OSBPL10: variants seen among roughly 807,000 people sequenced by gnomAD.
The protein encoded by OSBPL10 is oxysterol-binding protein-related protein 10.
Under a neutral mutation model 81.7 loss-of-function variants are expected in OSBPL10, and 49 were observed. The observed-to-expected ratio is 0.60, with a 90% CI of 0.48 to 0.76. OSBPL10 has a LOEUF of 0.76. Ranked by LOEUF, OSBPL10 falls within the 30% of genes least tolerant of loss-of-function variation. The pLI is 0.00. For missense variants in OSBPL10, 923 were observed against 987.8 expected (o/e 0.93, Z 0.88); for synonymous variants, 419 against 383.6 (o/e 1.09, Z -1.08).
At chr3:31,884,924 C>A (rs1357503914) in intron 1 of OSBPL10, among the ~76,000 whole-genome samples, 1 of 151,986 alleles carries the variant, frequency 6.6e-6, no homozygotes, top group African/African-American at 2.4e-5. Flanking sequence ...AAAAAAAAAT[C>A]AAAGCATGTG....
rs191985828 is a variant in OSBPL10 at position 31,936,649 on chromosome 3, G to C, written c.281+44250C>G. On this transcript the variant is annotated intron_variant, in intron 1 of 11. Coordinates refer to ENST00000396556, the MANE Select transcript of OSBPL10 (RefSeq NM_017784.5). ...TGCCAAGAAAAGTCAGTGGTTGTCT[G>C]TTTTGGAAGGGAAGTAAGAAAGTGG... Among the ~76,000 whole-genome samples the C allele has an allele frequency of 9.0e-3, 1,363 of 152,136 alleles. 69 individuals carry two copies. Among genetic ancestry groups the C allele is most frequent in the Admixed American group, 0.082 (1,252 of 15,266 alleles).
At chr3:31,824,811 G>C (rs148308296) in intron 4 of OSBPL10, among the ~76,000 whole-genome samples, 2 of 151,998 alleles carry the variant, frequency 1.3e-5, no homozygotes, top group African/African-American at 2.4e-5. Flanking sequence ...TTGCAGTTGC[G>C]GGTATATCAT....
chr3:31,861,466 T>C (rs961488438), intron 3 of OSBPL10, among the ~76,000 whole-genome samples: 4 of 152,204 alleles, frequency 2.6e-5, no homozygotes, highest in Admixed American at 2.0e-4. Context: ...TCAAAACAGA[T>C]GCAATTTTTT....
upstream of OSBPL10, chr3:31,981,634 G>C (rs954520853): frequency 6.3e-6 from 1 of 158,348 alleles, no homozygotes; most frequent in East Asian, 1.9e-4. This position sits in a 1 kb window ranked among gnomAD's most constrained non-coding sequence, Gnocchi z 4.5. Context: ...AGGGGCGAAA[G>C]GGAATCTCTG....
chr3:31,722,544 T>C (rs1020142184), intron 6 of OSBPL10, among the ~76,000 whole-genome samples: 5 of 152,176 alleles, frequency 3.3e-5, no homozygotes, highest in African/African-American at 9.6e-5. Context: ...TAAACATAAG[T>C]GTAAGTCCCT....
intron 2 of OSBPL10, among the ~76,000 whole-genome samples, chr3:32,000,892 A>G (rs1369447461): frequency 6.6e-6 from 1 of 152,180 alleles, no homozygotes; most frequent in African/African-American, 2.4e-5. Flanking sequence ...TTTCCAAACC[A>G]GAAAGCTTAG....
At chr3:32,026,786 C>G (rs1367334886) in intron 2 of OSBPL10, among the ~76,000 whole-genome samples, 1 of 152,186 alleles carries the variant, frequency 6.6e-6, no homozygotes, top group Non-Finnish European at 1.5e-5. Flanking sequence ...TGAGACAGCT[C>G]TAAGCTGAGG....
At chr3:31,827,561 G>A (rs950841562) in intron 4 of OSBPL10, among the ~76,000 whole-genome samples, 27 of 151,968 alleles carry the variant, frequency 1.8e-4, no homozygotes, top group African/African-American at 6.0e-4. Flanking sequence ...GCATGAATCC[G>A]GGAGGCAGAG....
chr3:31,673,685 C>A (rs1402510612), intron 8 of OSBPL10, among the ~76,000 whole-genome samples: 3 of 152,182 alleles, frequency 2.0e-5, no homozygotes, highest in Non-Finnish European at 4.4e-5. Context: ...TTTGACCTTA[C>A]AATGGTGCCA....
chr3:31,703,080 C>T (rs994129371), intron 6 of OSBPL10, among the ~76,000 whole-genome samples: 9 of 152,166 alleles, frequency 5.9e-5, no homozygotes. Flanking sequence ...TAAGGCAAAA[C>T]TGAAACTTTA....
In OSBPL10 at chr3:31,990,052, C is replaced by T. The variant is rs766054713; in HGVS notation, n.298+56439G>A. ...TGAAGAATGTGACAAAGTTTTTAGT[C>T]GCAAATCAAATCTTGAAAGACATAG... On this transcript the variant is annotated intron_variant and non_coding_transcript_variant, in intron 2 of 3. Transcript: ENST00000479173. The T allele has an allele frequency of 2.9e-5, 47 of 1,613,730 alleles. No homozygotes were observed. The Middle Eastern group carries it at 4.9e-4, about 17-fold the overall frequency.
intron 3 of OSBPL10, among the ~76,000 whole-genome samples, chr3:31,843,791 T>C (rs2125560158): frequency 6.6e-6 from 1 of 152,302 alleles, no homozygotes; most frequent in South Asian, 2.1e-4. Context: ...AAATAGAGCA[T>C]ATCTAATAAT....
intron 4 of OSBPL10, among the ~76,000 whole-genome samples, chr3:31,807,117 C>T (rs888344141): frequency 2.0e-5 from 3 of 152,166 alleles, no homozygotes; most frequent in South Asian, 2.1e-4. Flanking sequence ...CGGTGGCTCA[C>T]GCCTATAATC....
chr3:31,968,557 C>G (rs1435352299), intron 1 of OSBPL10, among the ~76,000 whole-genome samples: 1 of 151,296 alleles, frequency 6.6e-6, no homozygotes, highest in Non-Finnish European at 1.5e-5. Context: ...CTTGATTTCC[C>G]AGATACAAGT....
Position 31,812,786 on chromosome 3 carries a change from GAA to G in OSBPL10, c.729+17252_729+17253del, listed in dbSNP as rs1201847350. On this transcript the variant is annotated intron_variant, in intron 4 of 11. Transcript: ENST00000396556. ...AGAAAGAAAGAAAGAAAGAAAGAAA[GAA>G]AGAAAGAAAGAAAGAAAGAAAGAAA... is the stretch of plus-strand genomic sequence containing the variant. Among the ~76,000 whole-genome samples the G allele has an allele frequency of 8.1e-3, 366 of 45,046 alleles. 5 individuals are homozygous for G. The highest frequency in any genetic ancestry group is 0.014 in the Middle Eastern group (1 of 72). 29.6% of individuals were successfully genotyped at this position (45,046 alleles called of 152,430 possible).
At chr3:31,911,341 G>A (rs1696571487) in intron 1 of OSBPL10, among the ~76,000 whole-genome samples, 1 of 152,120 alleles carries the variant, frequency 6.6e-6, no homozygotes, top group African/African-American at 2.4e-5. Context: ...GAAAACAGTG[G>A]GATGGTTAAT....
At position 31,808,383 on chromosome 3, in the gene OSBPL10, TG is replaced by T. The variant is rs1356192191; in HGVS notation, c.729+21656del. ...ATGTTGGGAGACTGAGGTCCCCAAA[TG>T]TAGCCAGTTGCCTTGGCAACAGTAT... is the stretch of plus-strand genomic sequence containing the variant. On this transcript the variant is annotated intron_variant, in intron 4 of 11. Transcript: ENST00000396556. Among the ~76,000 whole-genome samples the T allele has an allele frequency of 2.0e-5, 3 of 152,348 alleles. No individual in the cohort carries two copies. The East Asian group carries it at 5.8e-4, about 29-fold the overall frequency.
At chr3:31,861,558 A>G (rs1701057416) in intron 3 of OSBPL10, among the ~76,000 whole-genome samples, 1 of 152,214 alleles carries the variant, frequency 6.6e-6, no homozygotes. Flanking sequence ...CTATAGAACT[A>G]GAAACTCAGA....
intron 2 of OSBPL10, among the ~76,000 whole-genome samples, chr3:32,016,411 A>C (rs150665965): frequency 6.6e-6 from 1 of 152,110 alleles, no homozygotes; most frequent in Middle Eastern, 3.2e-3. Flanking sequence ...ACACATGGAC[A>C]CAGGAAGGGG....
Sources: gnomAD v4.1 joint callset for allele counts (sites outside exome capture counted in the v4.1 genomes callset) on GRCh38, gnomAD v4.1.1 for gene constraint, Gnocchi (gnomAD v3.1) non-coding constraint, MANE v1.5 for transcripts, NCBI Gene and HGNC (gene_info 2026-07-23, HGNC 2026-07-21) for gene names.